The following MYCBP2 variants were observed in gnomAD, a reference collection of about 807,000 sequenced individuals.
The protein encoded by MYCBP2 is MYC binding protein 2.
A neutral mutation model predicts 525.3 loss-of-function variants in MYCBP2; 120 were observed. The observed-to-expected ratio is 0.23, with a 90% confidence interval of 0.20 to 0.27. The LOEUF (loss-of-function observed/expected upper bound fraction) is 0.27. Ranked by LOEUF, MYCBP2 falls within the 10% of genes least tolerant of loss-of-function variation. The pLI, the probability that MYCBP2 is intolerant of heterozygous loss-of-function variation, is 1.00. For synonymous variants in MYCBP2, 1,894 were observed against 1,955.8 expected (o/e 0.97, Z 0.83); for missense variants, 4,149 against 5,657.1 (o/e 0.73, Z 8.55).
chr13:77,242,911 T>C, intron 17 of MYCBP2, 148 bp downstream of exon 17: 1 of 636,866 alleles, frequency 1.6e-6, no homozygotes. Context: ...CCTGAATATT[T>C]TCCCATTATA....
chr13:77,208,025 T>A (rs1182167200), intron 23 of MYCBP2, among the ~76,000 whole-genome samples: 1 of 133,444 alleles, frequency 7.5e-6, no homozygotes, highest in African/African-American at 2.8e-5. Flanking sequence ...TTACTTTAAC[T>A]CCAAATACAA....
At chr13:77,208,281 T>C (rs1339064220) in intron 23 of MYCBP2, among the ~76,000 whole-genome samples, 2 of 152,312 alleles carry the variant, frequency 1.3e-5, no homozygotes, top group Non-Finnish European at 2.9e-5. Flanking sequence ...AATAAACTTC[T>C]AAAGTGATTC....
chr13:77,169,586 T>C lies in MYCBP2; in HGVS notation c.5895+28A>G, dbSNP rs2058935177. On this transcript the variant is annotated intron_variant, in intron 39 of 82. Transcript: ENST00000544440. ...TTAAAAAAGATATTTAAAAAAAACA[T>C]TCAAAGTTATAGAATTAAATTACAC... is the stretch of plus-strand genomic sequence containing the variant. 7 of 1,568,738 alleles carry C rather than the reference T, an allele frequency of 4.5e-6. No individual in the cohort carries two copies. The East Asian group carries it at 1.6e-4, about 35-fold the overall frequency.
chr13:77,143,565 C>CT (rs2055026485), intron 49 of MYCBP2, among the ~76,000 whole-genome samples: 1 of 152,184 alleles, frequency 6.6e-6, no homozygotes, highest in Non-Finnish European at 1.5e-5. Flanking sequence ...GGATCTCCAG[C>CT]TTGCAGGTGT....
At chr13:77,150,605 C>A in intron 47 of MYCBP2, 129 bp downstream of exon 47, 1 of 722,274 alleles carries the variant, frequency 1.4e-6, no homozygotes. Context: ...ATAAGTGTTG[C>A]TGCAAATTTA....
chr13:77,082,475 T>C (rs2043463443), intron 63 of MYCBP2, among the ~76,000 whole-genome samples: 1 of 152,186 alleles, frequency 6.6e-6, no homozygotes, highest in Non-Finnish European at 1.5e-5. Context: ...AATCTATTTC[T>C]TGTATACATT....
At chr13:77,228,735 T>C (rs1026260543) in intron 18 of MYCBP2, among the ~76,000 whole-genome samples, 1 of 150,346 alleles carries the variant, frequency 6.7e-6, no homozygotes, top group East Asian at 2.0e-4. Flanking sequence ...GTGTATACCA[T>C]GTAACACTGA....
chr13:77,110,776 T>A (rs535993765), intron 55 of MYCBP2, among the ~76,000 whole-genome samples: 1 of 152,122 alleles, frequency 6.6e-6, no homozygotes, highest in Non-Finnish European at 1.5e-5. Flanking sequence ...AGAACCTACG[T>A]TGAAATATTG....
chr13:77,077,015 G>A (rs1352125761), intron 67 of MYCBP2, 133 bp downstream of exon 67: 2 of 1,262,396 alleles, frequency 1.6e-6, no homozygotes, highest in East Asian at 2.4e-5. Flanking sequence ...GGTGTTTAGG[G>A]CTATGAAAAG....
At chr13:77,188,724 C>T (rs1054993507) in intron 30 of MYCBP2, among the ~76,000 whole-genome samples, 2 of 152,184 alleles carry the variant, frequency 1.3e-5, no homozygotes, top group African/African-American at 4.8e-5. Flanking sequence ...TCAAAAACAG[C>T]AAGGCCAATT....
At chr13:77,089,112 A>G (rs1208133424) in intron 60 of MYCBP2, 81 bp from the exon 61 acceptor site, 2 of 1,037,098 alleles carry the variant, frequency 1.9e-6, no homozygotes, top group African/African-American at 3.2e-5. Context: ...ATATTCACTT[A>G]AAGCCTTTGT....
chr13:77,212,513 G>T (rs193174613), intron 21 of MYCBP2, among the ~76,000 whole-genome samples: 2 of 152,050 alleles, frequency 1.3e-5, no homozygotes, highest in African/African-American at 4.8e-5. Flanking sequence ...ATTCCAAATT[G>T]TTCATTTAAA....
At chr13:77,209,549 A>C (rs1171201348) in intron 23 of MYCBP2, among the ~76,000 whole-genome samples, 1 of 152,192 alleles carries the variant, frequency 6.6e-6, no homozygotes, top group Non-Finnish European at 1.5e-5. Flanking sequence ...TTCTATCTTT[A>C]CATCTTTTCT....
At position 77,055,554 on chromosome 13, in the gene MYCBP2, A is replaced by T. The variant is rs200563433; in HGVS notation, c.13647+4T>A. On this transcript the variant is annotated splice_donor_region_variant and intron_variant, in intron 80 of 82. Coordinates refer to ENST00000544440, the MANE Select transcript of MYCBP2 (RefSeq NM_015057.5). Reference sequence around the variant, plus strand: ...AAAACTTCTCAGTATAATTTATAGCATACCTTTCTGCATTTGTAGCACACA... The same window carrying T: ...AAAACTTCTCAGTATAATTTATAGCTTACCTTTCTGCATTTGTAGCACACA... 4,222 of 1,612,264 alleles carry T rather than the reference A, an allele frequency of 2.6e-3. 6 individuals carry two copies. The highest frequency in any genetic ancestry group is 3.1e-3 in the Non-Finnish European group (3,674 of 1,178,936).
intron 26 of MYCBP2, among the ~76,000 whole-genome samples, chr13:77,197,609 C>T (rs77914018): frequency 6.6e-6 from 1 of 152,050 alleles, no homozygotes; most frequent in Non-Finnish European, 1.5e-5. Flanking sequence ...AATGCATATA[C>T]GAATATGTGA....
chr13:77,124,425 C>T (rs2051298867), intron 54 of MYCBP2, among the ~76,000 whole-genome samples: 1 of 152,134 alleles, frequency 6.6e-6, no homozygotes, highest in Admixed American at 6.6e-5. Context: ...TGCATGTTCT[C>T]TTATTTACCT....
chr13:77,068,524 A>G (rs779288614), intron 70 of MYCBP2, 41 bp downstream of exon 70: 2 of 1,586,876 alleles, frequency 1.3e-6, no homozygotes, highest in South Asian at 2.3e-5. Flanking sequence ...CAATGTTTCA[A>G]GTAACAAAAG....
intron 79 of MYCBP2, among the ~76,000 whole-genome samples, chr13:77,056,158 GTT>G (rs1566302784): frequency 4.4e-5 from 6 of 135,824 alleles, no homozygotes; most frequent in African/African-American, 2.8e-5. Flanking sequence ...GTGTGTGTGT[GTT>G]TTGCTTCCTT....
At chr13:77,254,023 T>C (rs2071696125) in intron 14 of MYCBP2, among the ~76,000 whole-genome samples, 1 of 151,968 alleles carries the variant, frequency 6.6e-6, no homozygotes, top group Non-Finnish European at 1.5e-5. Flanking sequence ...CACTATAGCA[T>C]GTTCACTGTG....
Sources: gnomAD v4.1 joint callset for allele counts (sites outside exome capture counted in the v4.1 genomes callset) on GRCh38, gnomAD v4.1.1 for gene constraint, MANE v1.5 for transcripts, NCBI Gene and HGNC (gene_info 2026-07-23, HGNC 2026-07-21) for gene names.